The following PTPRD variants were observed in gnomAD, a reference collection of about 807,000 sequenced individuals.
The protein encoded by PTPRD is receptor-type tyrosine-protein phosphatase delta.
PTPRD carries 34 observed loss-of-function variants against 214.5 expected under a neutral mutation model. The observed-to-expected ratio is 0.16, with a 90% CI of 0.12 to 0.21. PTPRD has a LOEUF of 0.21. Among genes scored for constraint, PTPRD ranks in the 10% least tolerant of loss-of-function variants. The probability of loss-of-function intolerance (pLI) is 1.00; values close to 1 mark genes in which losing one functional copy is unlikely to be tolerated. For synonymous variants in PTPRD, 1,128 were observed against 845.7 expected, an observed-to-expected ratio of 1.33 and a Z score of -5.79; for missense variants, 2,545 against 2,398.7, an observed-to-expected ratio of 1.06 and a Z score of -1.27.
chr9:9,242,085 A>G (rs917812276), intron 9 of PTPRD, among the ~76,000 whole-genome samples: 1 of 151,930 alleles, frequency 6.6e-6, no homozygotes, highest in African/African-American at 2.4e-5. Flanking sequence ...AAAGGATTTT[A>G]TTTCTCCTTC....
intron 3 of PTPRD, among the ~76,000 whole-genome samples, chr9:10,223,543 C>T (rs1427523234): frequency 2.0e-5 from 3 of 151,678 alleles, no homozygotes; most frequent in African/African-American, 7.3e-5. Flanking sequence ...GTGGGCCTGT[C>T]ATCCCAGCTA....
chr9:8,945,745 T>A (rs1479687690), intron 11 of PTPRD, among the ~76,000 whole-genome samples: 1 of 152,130 alleles, frequency 6.6e-6, no homozygotes, highest in African/African-American at 2.4e-5. Context: ...ACCACACTCA[T>A]CTTTGCCTGT....
At chr9:10,143,304 A>T (rs2197049) in intron 3 of PTPRD, among the ~76,000 whole-genome samples, 1,769 of 141,322 alleles carry the variant, frequency 0.013, 33 homozygotes, top group South Asian at 0.065. Flanking sequence ...TAAAATAAAA[A>T]AATAAATGCT....
chr9:9,482,641 G>A (rs2095467458), intron 8 of PTPRD, among the ~76,000 whole-genome samples: 1 of 152,144 alleles, frequency 6.6e-6, no homozygotes, highest in Admixed American at 6.6e-5. Context: ...CTCTTCTGAG[G>A]ACATCAGCTA....
intron 27 of PTPRD, among the ~76,000 whole-genome samples, chr9:8,488,475 G>A (rs1563762463): frequency 6.6e-6 from 1 of 152,138 alleles, no homozygotes; most frequent in Non-Finnish European, 1.5e-5. Flanking sequence ...CATGTGTGTT[G>A]TGTTGTATAT....
intron 7 of PTPRD, among the ~76,000 whole-genome samples, chr9:9,698,499 T>A (rs1470160498): frequency 6.6e-6 from 1 of 152,178 alleles, no homozygotes; most frequent in East Asian, 1.9e-4. Context: ...AGGAAACCCA[T>A]GGGACATGCC....
chr9:8,546,959 C>G (rs1037893876), intron 14 of PTPRD, among the ~76,000 whole-genome samples: 1 of 152,104 alleles, frequency 6.6e-6, no homozygotes, highest in African/African-American at 2.4e-5. Context: ...TGGCATGGAC[C>G]GTATGCACGT....
chr9:10,479,009 C>T (rs1012241023), intron 2 of PTPRD, among the ~76,000 whole-genome samples: 4 of 152,030 alleles, frequency 2.6e-5, no homozygotes, highest in East Asian at 1.9e-4. Flanking sequence ...CCTTCAAAAA[C>T]GATGAAAACT....
At position 10,501,135 on chromosome 9, in the gene PTPRD, G is replaced by A. The variant is rs576374946; in HGVS notation, c.-600+111263C>T. Among the ~76,000 whole-genome samples the A allele has an allele frequency of 9.2e-5, 14 of 152,000 alleles. No homozygotes were observed. The South Asian group carries it at 1.9e-3, about 20-fold the overall frequency. On this transcript the variant is annotated intron_variant, in intron 2 of 45. Transcript: ENST00000381196. ...TTCCAAATTGTTCTTCTTAGTGGTT[G>A]TACTAATTTACATTCCCACCAACAG... is the stretch of plus-strand genomic sequence containing the variant.
intron 11 of PTPRD, among the ~76,000 whole-genome samples, chr9:8,743,797 CAATAAT>C (rs138293869): frequency 0.13 from 18,611 of 138,144 alleles, 1,235 homozygotes; most frequent in Admixed American, 0.17. Context: ...CAAAAAATAA[CAATAAT>C]AATAATAATA....
intron 9 of PTPRD, among the ~76,000 whole-genome samples, chr9:9,351,681 T>C (rs1260380321): frequency 6.6e-6 from 1 of 152,036 alleles, no homozygotes; most frequent in African/African-American, 2.4e-5. Context: ...ATCTTCTCTT[T>C]TCAGTTAAAA....
intron 2 of PTPRD, among the ~76,000 whole-genome samples, chr9:10,368,134 G>C (rs928437724): frequency 6.6e-6 from 1 of 152,082 alleles, no homozygotes; most frequent in African/African-American, 2.4e-5. Flanking sequence ...TGCTGCCTTT[G>C]ACACATATTG....
At chr9:8,477,679 C>G (rs570479868) in intron 30 of PTPRD, among the ~76,000 whole-genome samples, 6 of 152,192 alleles carry the variant, frequency 3.9e-5, no homozygotes, top group Non-Finnish European at 8.8e-5. Flanking sequence ...CTTCATGACA[C>G]TAAACACACA....
intron 3 of PTPRD, among the ~76,000 whole-genome samples, chr9:10,122,952 C>T (rs1277813263): frequency 2.0e-5 from 3 of 152,210 alleles, no homozygotes; most frequent in Admixed American, 2.0e-4. Flanking sequence ...GCAGGCAGAG[C>T]TGCCTTTAAG....
chr9:9,090,856 A>T, intron 10 of PTPRD: 1 of 856,954 alleles, frequency 1.2e-6, no homozygotes, highest in Non-Finnish European at 2.0e-6. Context: ...ATGACAGGTT[A>T]AAAATTTCTT....
chr9:9,741,077 G>A (rs1209010026), intron 6 of PTPRD, among the ~76,000 whole-genome samples: 1 of 152,182 alleles, frequency 6.6e-6, no homozygotes, highest in Non-Finnish European at 1.5e-5. Flanking sequence ...GCAACCGGGT[G>A]ATGATATCCT....
intron 10 of PTPRD, among the ~76,000 whole-genome samples, chr9:9,061,065 T>C (rs958975415): frequency 2.6e-5 from 4 of 152,176 alleles, no homozygotes; most frequent in African/African-American, 7.2e-5. Flanking sequence ...AGTTTGGTGT[T>C]AGCCTTTAGG....
chr9:8,585,103 C>T (rs2093531099), intron 14 of PTPRD, among the ~76,000 whole-genome samples: 1 of 152,108 alleles, frequency 6.6e-6, no homozygotes, highest in Non-Finnish European at 1.5e-5. Context: ...TGTTAAAGTA[C>T]TTTAAAGTAC....
At chr9:10,544,963 T>C (rs1262036711) in intron 2 of PTPRD, among the ~76,000 whole-genome samples, 2 of 152,236 alleles carry the variant, frequency 1.3e-5, no homozygotes, top group Non-Finnish European at 2.9e-5. Context: ...GTAATTTTTT[T>C]CTGGTTCAGG....
Sources: gnomAD v4.1 joint callset for allele counts (sites outside exome capture counted in the v4.1 genomes callset) on GRCh38, gnomAD v4.1.1 for gene constraint, MANE v1.5 for transcripts, NCBI Gene and HGNC (gene_info 2026-07-23, HGNC 2026-07-21) for gene names.